KIAA1958: variants seen among roughly 807,000 people sequenced by gnomAD.
KIAA1958 encodes uncharacterized protein KIAA1958.
In KIAA1958, 14 loss-of-function variants were observed where a neutral mutation model predicts 47.2. The observed-to-expected ratio is 0.30, with a 90% CI of 0.20 to 0.46. The LOEUF (loss-of-function observed/expected upper bound fraction) is 0.46. Ranked by LOEUF, KIAA1958 falls within the 20% of genes least tolerant of loss-of-function variation. The pLI, the probability that KIAA1958 is intolerant of heterozygous loss-of-function variation, is 1.00. For missense variants in KIAA1958, 803 were observed against 909.2 expected, an observed-to-expected ratio of 0.88 and a Z score of 1.50; for synonymous variants, 354 against 353.3, an observed-to-expected ratio of 1.00 and a Z score of -0.02.
At chr9:112,518,892 G>A (rs1834487366) in intron 1 of KIAA1958, among the ~76,000 whole-genome samples, 1 of 151,372 alleles carries the variant, frequency 6.6e-6, no homozygotes, top group Non-Finnish European at 1.5e-5. Flanking sequence ...TAACATTATT[G>A]ACTGGTTTTT....
intron 1 of KIAA1958, among the ~76,000 whole-genome samples, chr9:112,550,100 A>T (rs1427991224): frequency 6.6e-6 from 1 of 150,832 alleles, no homozygotes; most frequent in African/African-American, 2.5e-5. Context: ...CTTGAGAGGT[A>T]AGCCTGGCAA....
intron 1 of KIAA1958, among the ~76,000 whole-genome samples, chr9:112,546,211 T>C (rs1835029718): frequency 6.6e-6 from 1 of 152,080 alleles, no homozygotes; most frequent in Non-Finnish European, 1.5e-5. Context: ...TCACTGCTCA[T>C]TATATGCTAA....
intron 1 of KIAA1958, among the ~76,000 whole-genome samples, chr9:112,506,615 A>T (rs1834239446): frequency 6.6e-6 from 1 of 151,882 alleles, no homozygotes; most frequent in African/African-American, 2.4e-5. Flanking sequence ...TACTTTTTTT[A>T]CTGGGAAAAA....
intron 1 of KIAA1958, among the ~76,000 whole-genome samples, chr9:112,532,097 A>AT (rs912220083): frequency 4.0e-5 from 6 of 151,834 alleles, no homozygotes; most frequent in African/African-American, 1.5e-4. Context: ...GCTGCTTCTA[A>AT]TTTTTTTTAG....
At chr9:112,586,235 G>A (rs1356309779) in intron 2 of KIAA1958, among the ~76,000 whole-genome samples, 1 of 152,142 alleles carries the variant, frequency 6.6e-6, no homozygotes, top group African/African-American at 2.4e-5. Flanking sequence ...ATAAATGAGA[G>A]GCAAATCTTT....
At chr9:112,561,157 C>T (rs1379820294) in intron 1 of KIAA1958, among the ~76,000 whole-genome samples, 1 of 151,612 alleles carries the variant, frequency 6.6e-6, no homozygotes, top group Non-Finnish European at 1.5e-5. Flanking sequence ...CAGGTTGACG[C>T]CATTCTCCTG....
At chr9:112,544,430 A>G (rs1055231032) in intron 1 of KIAA1958, among the ~76,000 whole-genome samples, 3 of 152,198 alleles carry the variant, frequency 2.0e-5, no homozygotes, top group Admixed American at 2.0e-4. Context: ...GACCACATCT[A>G]TCTTATTTAA....
At chr9:112,651,338 GAAT>G (rs1837051814) in intron 3 of KIAA1958, among the ~76,000 whole-genome samples, 1 of 149,738 alleles carries the variant, frequency 6.7e-6, no homozygotes, top group Non-Finnish European at 1.5e-5. Flanking sequence ...GTCCACAATA[GAAT>G]TAAATTATAT....
chr9:112,563,085 C>CTATA (rs374741842), intron 1 of KIAA1958, among the ~76,000 whole-genome samples: 26,340 of 131,262 alleles, frequency 0.2, 2,606 homozygotes, highest in Middle Eastern at 0.33. Context: ...CTCTCTCTCT[C>CTATA]TATATATATA....
At chr9:112,569,639 G>C (rs1456583846) in intron 1 of KIAA1958, among the ~76,000 whole-genome samples, 2 of 106,282 alleles carry the variant, frequency 1.9e-5, no homozygotes, top group African/African-American at 7.2e-5. Flanking sequence ...TTTTTTTTTT[G>C]AGACAAGTTT....
At chr9:112,628,099 A>C (rs1243840437) in intron 2 of KIAA1958, among the ~76,000 whole-genome samples, 1 of 152,226 alleles carries the variant, frequency 6.6e-6, no homozygotes, top group African/African-American at 2.4e-5. Flanking sequence ...ATAAAGTGTT[A>C]AGAAAAGAAG....
chr9:112,544,189 TG>T, intron 1 of KIAA1958, among the ~76,000 whole-genome samples: 1 of 152,256 alleles, frequency 6.6e-6, no homozygotes, highest in South Asian at 2.1e-4. Context: ...TACTGTAAAG[TG>T]GAGGGAAAAT....
chr9:112,536,010 A>G (rs902488160), intron 1 of KIAA1958, among the ~76,000 whole-genome samples: 2 of 152,254 alleles, frequency 1.3e-5, no homozygotes, highest in African/African-American at 4.8e-5. Context: ...TGTGATGAAC[A>G]TAATGGAATG....
chr9:112,633,727 G>A (rs758833481), intron 2 of KIAA1958, among the ~76,000 whole-genome samples: 6 of 151,972 alleles, frequency 3.9e-5, no homozygotes, highest in South Asian at 2.1e-4. Context: ...ATACTCTTCC[G>A]TGTCTGGCTT....
Position 112,632,957 on chromosome 9 carries a change from G to T in KIAA1958, c.1172-12693G>T, listed in dbSNP as rs114665612. ...AGCCATTTAGATATGTGGATTTTGTGTGTGTTATGAAACAGGTACCTAAAT... is the reference window on the plus strand; with the variant it reads ...AGCCATTTAGATATGTGGATTTTGTTTGTGTTATGAAACAGGTACCTAAAT... On this transcript the variant is annotated intron_variant, in intron 2 of 3. Transcript: ENST00000337530. Among the ~76,000 whole-genome samples the T allele has an allele frequency of 5.9e-3, 878 of 147,702 alleles. 11 individuals are homozygous for T. The highest frequency in any genetic ancestry group is 0.02 in the African/African-American group (791 of 40,094).
Position 112,659,727 on chromosome 9 carries a change from GGA to G in KIAA1958, c.1813_1814del (p.Arg606GlufsTer14), listed in dbSNP as rs1564205279. The G allele has an allele frequency of 6.2e-7, 1 of 1,614,178 alleles. No individual in the cohort carries two copies. Among genetic ancestry groups the G allele is most frequent in the Non-Finnish European group, 8.5e-7 (1 of 1,180,044 alleles). On this transcript the variant is annotated frameshift_variant, in exon 4 of 4. Transcript: ENST00000337530. LOFTEE classifies it high-confidence loss of function. ...TTGCCCGGACGGACAGCGTCAAGCG[GGA>G]GAGTCGGAGCGGCTCCACCAGAGTG... ...YFARTDSVKRESRSGSTRVCH... is the reference protein window; with the variant it reads ...YFARTDSVKRXSRSGSTRVCH...
chr9:112,567,848 C>G (rs1302613336), intron 1 of KIAA1958, among the ~76,000 whole-genome samples: 1 of 150,202 alleles, frequency 6.7e-6, no homozygotes, highest in Non-Finnish European at 1.5e-5. Flanking sequence ...GTCCCAGCTA[C>G]TTGGGAGGCT....
At chr9:112,605,898 AT>A (rs1239583863) in intron 2 of KIAA1958, among the ~76,000 whole-genome samples, 1 of 152,134 alleles carries the variant, frequency 6.6e-6, no homozygotes, top group East Asian at 1.9e-4. Flanking sequence ...GATAACACCC[AT>A]TATTTTTCTT....
intron 1 of KIAA1958, among the ~76,000 whole-genome samples, chr9:112,570,312 C>T (rs1386512981): frequency 1.3e-5 from 2 of 152,090 alleles, no homozygotes; most frequent in South Asian, 2.1e-4. Flanking sequence ...TGGTGCTATA[C>T]GTGAAGGGGC....
Sources: gnomAD v4.1 joint callset for allele counts (sites outside exome capture counted in the v4.1 genomes callset) on GRCh38, gnomAD v4.1.1 for gene constraint, MANE v1.5 for transcripts, NCBI Gene and HGNC (gene_info 2026-07-23, HGNC 2026-07-21) for gene names.